ABTB3: variants seen among roughly 807,000 people sequenced by gnomAD.
ABTB3 encodes the protein ankyrin repeat and BTB domain containing 3, also known as ankyrin repeat- and BTB/POZ domain-containing protein 3.
the ABTB3 span, among the ~76,000 whole-genome samples, chr12:107,428,428 C>G: frequency 3.9e-5 from 6 of 152,230 alleles, no homozygotes; most frequent in South Asian, 8.3e-4. Flanking sequence ...TGGGAAGGCT[C>G]AAAGTATTGG....
the ABTB3 span, among the ~76,000 whole-genome samples, chr12:107,621,779 A>G: frequency 6.6e-6 from 1 of 152,060 alleles, no homozygotes; most frequent in Non-Finnish European, 1.5e-5. Context: ...CTAACACCAC[A>G]CTTTGTTTTG....
chr12:107,388,072 A>T, the ABTB3 span, among the ~76,000 whole-genome samples: 1 of 148,246 alleles, frequency 6.7e-6, no homozygotes, highest in African/African-American at 2.5e-5. Context: ...TCTCAGGTTC[A>T]AGTGATTCTC....
the ABTB3 span, among the ~76,000 whole-genome samples, chr12:107,344,678 A>G: frequency 3.3e-5 from 5 of 152,222 alleles, no homozygotes; most frequent in African/African-American, 7.2e-5. Flanking sequence ...CCACTGAGGA[A>G]TGTTCTTGGC....
At chr12:107,548,208 A>G in the ABTB3 span, among the ~76,000 whole-genome samples, 5 of 151,592 alleles carry the variant, frequency 3.3e-5, no homozygotes, top group East Asian at 9.7e-4. Flanking sequence ...TTTATCCTGC[A>G]ATTCTATCAA....
At chr12:107,319,585 C>A in the ABTB3 span, 2 of 1,538,842 alleles carry the variant, frequency 1.3e-6, no homozygotes, top group Non-Finnish European at 1.7e-6. Flanking sequence ...CCGTGGGCCG[C>A]GTGTATCGCT....
the ABTB3 span, among the ~76,000 whole-genome samples, chr12:107,372,481 C>T: frequency 6.6e-6 from 1 of 152,174 alleles, no homozygotes; most frequent in Non-Finnish European, 1.5e-5. Flanking sequence ...AAGTGTGTGG[C>T]ACTGAGAGGT....
At chr12:107,406,831 C>G in the ABTB3 span, among the ~76,000 whole-genome samples, 1 of 152,164 alleles carries the variant, frequency 6.6e-6, no homozygotes, top group Non-Finnish European at 1.5e-5. Context: ...CTGATTCTTA[C>G]CATCCTTATC....
chr12:107,622,990 TC>T, the ABTB3 span, among the ~76,000 whole-genome samples: 1 of 152,184 alleles, frequency 6.6e-6, no homozygotes. Flanking sequence ...TCTCTAGACT[TC>T]CCCAGGAGCA....
the ABTB3 span, among the ~76,000 whole-genome samples, chr12:107,393,420 CA>C: frequency 6.6e-6 from 1 of 152,098 alleles, no homozygotes; most frequent in East Asian, 1.9e-4. Context: ...CTGCACTGCA[CA>C]GCAACCAGGA....
the ABTB3 span, chr12:107,614,943 C>A: frequency 1.2e-6 from 1 of 800,878 alleles, no homozygotes; most frequent in Non-Finnish European, 2.0e-6. Flanking sequence ...CCCGAGGCAT[C>A]TTCCAGGATG....
the ABTB3 span, among the ~76,000 whole-genome samples, chr12:107,362,877 G>A: frequency 6.6e-6 from 1 of 152,046 alleles, no homozygotes; most frequent in East Asian, 1.9e-4. Flanking sequence ...CTAACAATGA[G>A]TTGGATATTC....
the ABTB3 span, among the ~76,000 whole-genome samples, chr12:107,612,279 T>A: frequency 1.3e-5 from 2 of 152,234 alleles, no homozygotes; most frequent in Non-Finnish European, 2.9e-5. Flanking sequence ...CAAATGACCA[T>A]GTCAAACCAG....
chr12:107,476,812 AGTGTGT>A, the ABTB3 span, among the ~76,000 whole-genome samples: 6 of 148,516 alleles, frequency 4.0e-5, no homozygotes, highest in Non-Finnish European at 7.5e-5. Context: ...GAATGCATGA[AGTGTGT>A]GTGTGTGTGT....
At chr12:107,372,074 C>T in the ABTB3 span, among the ~76,000 whole-genome samples, 3 of 152,168 alleles carry the variant, frequency 2.0e-5, no homozygotes, top group Non-Finnish European at 2.9e-5. Context: ...AGACCTATAT[C>T]TGAAAAAGTG....
At chr12:107,391,519 C>T in the ABTB3 span, among the ~76,000 whole-genome samples, 1 of 152,174 alleles carries the variant, frequency 6.6e-6, no homozygotes, top group Non-Finnish European at 1.5e-5. Context: ...ACCTCCCCAC[C>T]TACTGTAAGG....
chr12:107,574,996 C>T, the ABTB3 span, among the ~76,000 whole-genome samples: 4 of 152,168 alleles, frequency 2.6e-5, no homozygotes, highest in South Asian at 8.3e-4. Context: ...CTTTGGTGCC[C>T]ACAGATGCAG....
At chr12:107,341,883 C>T in the ABTB3 span, among the ~76,000 whole-genome samples, 6 of 152,078 alleles carry the variant, frequency 3.9e-5, no homozygotes, top group Admixed American at 1.3e-4. Context: ...TGCTTGCTTC[C>T]GCTTTTGCCA....
At chr12:107,624,910 C>A in the ABTB3 span, among the ~76,000 whole-genome samples, 1 of 152,198 alleles carries the variant, frequency 6.6e-6, no homozygotes, top group Non-Finnish European at 1.5e-5. Context: ...AACTGCCAAA[C>A]TGTTTCCCAG....
At chr12:107,445,946 C>T in the ABTB3 span, among the ~76,000 whole-genome samples, 3 of 144,078 alleles carry the variant, frequency 2.1e-5, no homozygotes, top group Non-Finnish European at 4.5e-5. Context: ...CTCTTGTCTC[C>T]CTTTTATAGA....
Sources: allele counts gnomAD v4.1 joint callset (sites outside exome capture counted in the v4.1 genomes callset), GRCh38; gene constraint gnomAD v4.1.1; transcripts MANE v1.5; gene names NCBI Gene and HGNC (gene_info 2026-07-23, HGNC 2026-07-21).